ELAPOR1: variants seen among roughly 807,000 people sequenced by gnomAD.
ELAPOR1 encodes endosome-lysosome associated apoptosis and autophagy regulator 1, also known as endosome/lysosome-associated apoptosis and autophagy regulator 1.
Under a neutral mutation model 119.7 loss-of-function variants are expected in ELAPOR1, and 77 were observed. That is an observed-to-expected ratio of 0.64 (90% confidence interval 0.54 to 0.78). ELAPOR1 has a LOEUF of 0.78. Ranked by LOEUF, ELAPOR1 falls within the 30% of genes least tolerant of loss-of-function variation. The pLI is 0.00. For synonymous variants in ELAPOR1, 481 were observed against 487.2 expected, an observed-to-expected ratio of 0.99 and a Z score of 0.17; for missense variants, 1,115 against 1,270.4, an observed-to-expected ratio of 0.88 and a Z score of 1.86.
At chr1:109,173,334 G>A in intron 5 of ELAPOR1, 140 bp from the exon 6 acceptor site, 1 of 707,544 alleles carries the variant, frequency 1.4e-6, no homozygotes, top group Non-Finnish European at 2.4e-6. Context: ...GAAGGACAGA[G>A]CTGAGGAAGA....
intron 9 of ELAPOR1, among the ~76,000 whole-genome samples, 168 bp downstream of exon 9, chr1:109,188,522 G>A (rs1178472164): frequency 6.6e-6 from 1 of 152,222 alleles, no homozygotes; most frequent in African/African-American, 2.4e-5. Context: ...AGAGGTCAGG[G>A]CTGGCCTCGT....
At chr1:109,181,255 T>TG (rs1652678243) in intron 7 of ELAPOR1, among the ~76,000 whole-genome samples, 1 of 151,974 alleles carries the variant, frequency 6.6e-6, no homozygotes, top group East Asian at 1.9e-4. Context: ...CTCCTGGAGG[T>TG]GGGGGGATAT....
At chr1:109,123,665 A>G (rs1316713724) in intron 1 of ELAPOR1, among the ~76,000 whole-genome samples, 1 of 152,262 alleles carries the variant, frequency 6.6e-6, no homozygotes, top group African/African-American at 2.4e-5. Flanking sequence ...TTCAAGAAAT[A>G]CAGAATGCAA....
At chr1:109,148,909 G>A (rs1650352697) in intron 1 of ELAPOR1, among the ~76,000 whole-genome samples, 1 of 152,116 alleles carries the variant, frequency 6.6e-6, no homozygotes, top group South Asian at 2.1e-4. Flanking sequence ...ATTTATAAAG[G>A]GACATTTTGT....
intron 3 of ELAPOR1, among the ~76,000 whole-genome samples, chr1:109,166,008 C>G (rs1325733296): frequency 6.6e-6 from 1 of 151,966 alleles, no homozygotes; most frequent in African/African-American, 2.4e-5. Context: ...CTCTGCCTCC[C>G]GGGTTGACGC....
chr1:109,197,532 A>G lies in ELAPOR1; in HGVS notation c.2180A>G (p.Glu727Gly), dbSNP rs765115926. 1.4e-5 allele frequency: 22 copies of G among 1,614,034 alleles called. No individual in the cohort carries two copies. The South Asian group carries it at 2.2e-4, about 16-fold the overall frequency. ...ACTGACCTCCGGATTCCTGAGGGTG[A>G]GTCAGGGTTCTCCAAATCTATCACA... ...NVTDLRIPEG[E>G]SGFSKSITAY... The change falls in exon 16 of 22, where the codon GAG becomes GGG. Residue 727 changes from glutamate to glycine, a missense_variant. Physicochemically the swap from Glu to Gly is moderately conservative, Grantham distance 98. Coordinates refer to ENST00000369939, the MANE Select transcript of ELAPOR1 (RefSeq NM_020775.5).
rs761822549 is a variant in ELAPOR1 at position 109,192,607 on chromosome 1, C to T, written c.1684-4C>T. The stretch of plus-strand genomic sequence containing the variant: ...CCTCTCCCCTCTTGTTTCCTTGTCT[C>T]CAGAGCAGGAAGTACACCAATGACG... On this transcript the variant is annotated splice_polypyrimidine_tract_variant and splice_region_variant and intron_variant, in intron 13 of 21. Coordinates refer to ENST00000369939, the MANE Select transcript of ELAPOR1 (RefSeq NM_020775.5). The T allele has an allele frequency of 6.2e-7, 1 of 1,613,826 alleles. No homozygotes were observed. Among genetic ancestry groups the T allele is most frequent in the South Asian group, 1.1e-5 (1 of 91,068 alleles).
chr1:109,135,644 A>C (rs1649424347), intron 1 of ELAPOR1, among the ~76,000 whole-genome samples: 1 of 152,224 alleles, frequency 6.6e-6, no homozygotes, highest in African/African-American at 2.4e-5. Flanking sequence ...TTTAAGCTTT[A>C]TGGAAAGTAC....
At chr1:109,156,662 G>T (rs1650892869) in intron 1 of ELAPOR1, among the ~76,000 whole-genome samples, 1 of 152,158 alleles carries the variant, frequency 6.6e-6, no homozygotes, top group Non-Finnish European at 1.5e-5. Flanking sequence ...GGGCACCAAG[G>T]CCAGCCCTAG....
At chr1:109,165,171 A>AGTGCAT (rs1283518969) in intron 3 of ELAPOR1, among the ~76,000 whole-genome samples, 3 of 152,150 alleles carry the variant, frequency 2.0e-5, no homozygotes. Flanking sequence ...GCATGTCCGT[A>AGTGCAT]GTCCCAGCTA....
At chr1:109,127,866 CTT>C (rs112344650) in intron 1 of ELAPOR1, among the ~76,000 whole-genome samples, 3 of 141,954 alleles carry the variant, frequency 2.1e-5, no homozygotes, top group South Asian at 2.3e-4. Context: ...ACCCGGCCTG[CTT>C]TTTTTTTTTT....
chr1:109,171,852 C>CT lies in ELAPOR1; in HGVS notation c.468-13dup. ...GTGCTCCTGCCTGTGAACCTGGTTCCTGTTCCTTCACAGGTCCAAGTGGGT... is the reference window on the plus strand; with the variant it reads ...GTGCTCCTGCCTGTGAACCTGGTTCCTTGTTCCTTCACAGGTCCAAGTGGGT... On this transcript the variant is annotated splice_polypyrimidine_tract_variant and intron_variant, in intron 3 of 21. Transcript: ENST00000369939. The CT allele has an allele frequency of 5.6e-6, 9 of 1,613,994 alleles. No individual in the cohort carries two copies. The highest frequency in any genetic ancestry group is 6.8e-6 in the Non-Finnish European group (8 of 1,179,912).
At chr1:109,150,561 C>A (rs536027333) in intron 1 of ELAPOR1, among the ~76,000 whole-genome samples, 11 of 152,072 alleles carry the variant, frequency 7.2e-5, no homozygotes, top group Non-Finnish European at 1.2e-4. Context: ...CTAAAGTCAC[C>A]CTTGACCCTA....
chr1:109,142,716 G>A (rs1423515023), intron 1 of ELAPOR1, among the ~76,000 whole-genome samples: 1 of 152,180 alleles, frequency 6.6e-6, no homozygotes, highest in Non-Finnish European at 1.5e-5. Flanking sequence ...ATATAAAATG[G>A]TATCGCTGTT....
chr1:109,150,702 A>G (rs1650482065), intron 1 of ELAPOR1, among the ~76,000 whole-genome samples: 1 of 152,212 alleles, frequency 6.6e-6, no homozygotes, highest in African/African-American at 2.4e-5. Context: ...TGAACAAGAA[A>G]AAGATATTTT....
intron 1 of ELAPOR1, among the ~76,000 whole-genome samples, chr1:109,119,264 T>C (rs1648238561): frequency 6.6e-6 from 1 of 151,038 alleles, no homozygotes; most frequent in South Asian, 2.1e-4. Context: ...TGGTGCCATC[T>C]CAGCTCACTG....
chr1:109,150,612 C>T (rs746336253), intron 1 of ELAPOR1, among the ~76,000 whole-genome samples: 4 of 152,184 alleles, frequency 2.6e-5, no homozygotes, highest in Non-Finnish European at 5.9e-5. Flanking sequence ...TTTAGCAACT[C>T]GTTCAAGTCA....
At chr1:109,197,676 G>T in intron 16 of ELAPOR1, 22 bp downstream of exon 16, 1 of 1,517,784 alleles carries the variant, frequency 6.6e-7, no homozygotes, top group Non-Finnish European at 8.9e-7. Flanking sequence ...CGCTGCCTCA[G>T]CCTTGTTTGA....
Position 109,188,306 on chromosome 1 carries a change from A to C in ELAPOR1, c.1171A>C (p.Asn391His), listed in dbSNP as rs781528819. 1 of 1,614,168 alleles carries C rather than the reference A, an allele frequency of 6.2e-7. No homozygotes were observed. The highest frequency in any genetic ancestry group is 1.1e-5 in the South Asian group (1 of 91,084). Residue 391 changes from asparagine (N) to histidine (H), a missense_variant, in exon 9 of 22, where the codon AAC (asparagine) becomes CAC (histidine). Transcript: ENST00000369939. ...PCNPGFFKTN[N>H]STCQPCPYGS... ...CAACCCAGGCTTCTTCAAAACCAAC[A>C]ACAGCACCTGCCAGCCCTGCCCATA... is the stretch of plus-strand genomic sequence containing the variant.
Sources: gnomAD v4.1 joint callset for allele counts (sites outside exome capture counted in the v4.1 genomes callset) on GRCh38, gnomAD v4.1.1 for gene constraint, MANE v1.5 for transcripts, NCBI Gene and HGNC (gene_info 2026-07-23, HGNC 2026-07-21) for gene names.